The following FCGRT variants were observed in gnomAD, a reference collection of about 807,000 sequenced individuals.
The protein encoded by FCGRT is IgG receptor FcRn large subunit p51.
A neutral mutation model predicts 35.7 loss-of-function variants in FCGRT; 13 were observed. The ratio of observed to expected loss-of-function variants is 0.36; its 90% confidence interval spans 0.24 to 0.58. The LOEUF (loss-of-function observed/expected upper bound fraction) is 0.58, where lower values mean the gene tolerates loss of function less well. Among genes scored for constraint, FCGRT ranks in the 20% least tolerant of loss-of-function variants. FCGRT has a pLI of 0.77. For missense variants in FCGRT, 455 were observed against 474.9 expected (o/e 0.96, Z 0.39); for synonymous variants, 233 against 216.5 (o/e 1.08, Z -0.67).
chr19:49,514,262 C>T lies in FCGRT; in HGVS notation c.377C>T (p.Thr126Ile). 4 of 1,610,624 alleles carry T rather than the reference C, an allele frequency of 2.5e-6. No individual in the cohort carries two copies. The highest frequency in any genetic ancestry group is 1.7e-4 in the Middle Eastern group (1 of 6,054). ...GGCTGTGAACTGGGCCCTGACAACA[C>T]CTCGGTGCCCACCGCCAAGTTCGCC... is the stretch of plus-strand genomic sequence containing the variant. ...LLGCELGPDN[T>I]SVPTAKFALN... The change falls in exon 4 of 7, where the codon ACC becomes ATC. Residue 126 changes from threonine to isoleucine, a missense_variant. Physicochemically the swap from Thr to Ile is moderately conservative, Grantham distance 89. Around this residue, in one of 3 missense-constraint regions of FCGRT, gnomAD observed 136 missense variants for 158.9 expected, o/e 0.86. Transcript: ENST00000221466.
chr19:49,524,872 T>G (rs1478154414), intron 5 of FCGRT, 96 bp downstream of exon 5: 1 of 1,191,904 alleles, frequency 8.4e-7, no homozygotes, highest in Admixed American at 2.0e-5. Context: ...TCCCCACTGC[T>G]GCCACCTCCT....
intron 4 of FCGRT, among the ~76,000 whole-genome samples, chr19:49,522,126 AGTGGCT>A (rs2122690480): frequency 6.7e-6 from 1 of 149,518 alleles, no homozygotes; most frequent in Admixed American, 6.7e-5. Flanking sequence ...GCTGGAGTGC[AGTGGCT>A]ATACCCAGGT....
In FCGRT at chr19:49,514,395, G is replaced by A. The variant is rs369173603; in HGVS notation, c.510G>A (p.Ala170=). 1.7e-5 allele frequency: 27 copies of A among 1,607,944 alleles called. No homozygotes were observed. Among genetic ancestry groups the A allele is most frequent in the Admixed American group, 6.7e-5 (4 of 59,654 alleles). The change falls in exon 4 of 7, where the codon GCG becomes GCA. Residue 170 remains alanine, a synonymous_variant. Coordinates refer to ENST00000221466, the MANE Select transcript of FCGRT (RefSeq NM_001136019.3). ...ISQRWQQQDK[A]ANKELTFLLF... ...AGCGGTGGCAGCAGCAGGACAAGGC[G>A]GCCAACAAGGAGCTCACCTTCCTGC...
rs1421661072 is a variant in FCGRT at position 49,514,096 on chromosome 19, G to A, written c.288G>A (p.Lys96=). The part of the protein sequence containing the change: ...KETTDLRIKE[K]LFLEAFKALG... ...CCACAGATCTGAGGATCAAGGAGAA[G>A]CTCTTTCTGGAAGCTTTCAAAGCTT... Residue 96 remains lysine (K), a synonymous_variant, in exon 3 of 7, where the codon AAG becomes AAA. Transcript: ENST00000221466. The A allele has an allele frequency of 5.0e-6, 8 of 1,611,924 alleles. No homozygotes were observed. The highest frequency in any genetic ancestry group is 6.8e-6 in the Non-Finnish European group (8 of 1,179,970).
intron 4 of FCGRT, among the ~76,000 whole-genome samples, chr19:49,517,859 A>G (rs1471224297): frequency 6.6e-6 from 1 of 151,936 alleles, no homozygotes; most frequent in Non-Finnish European, 1.5e-5. Context: ...CGCCCAGCCA[A>G]TTTTTGTATT....
At chr19:49,522,770 C>CTTTTTTTT (rs746958247) in intron 4 of FCGRT, among the ~76,000 whole-genome samples, 9 of 66,664 alleles carry the variant, frequency 1.4e-4, no homozygotes, top group Admixed American at 1.9e-4. Flanking sequence ...CTTAAGCTCT[C>CTTTTTTTT]TTTTTTTTTT....
At chr19:49,518,598 A>G (rs1192810553) in intron 4 of FCGRT, among the ~76,000 whole-genome samples, 1 of 152,166 alleles carries the variant, frequency 6.6e-6, no homozygotes, top group African/African-American at 2.4e-5. Flanking sequence ...CAGAGGCACG[A>G]ACTCGGCTCA....
intron 4 of FCGRT, chr19:49,515,118 C>G (rs1482849752): frequency 6.6e-6 from 1 of 152,052 alleles, no homozygotes; most frequent in Non-Finnish European, 1.5e-5. Flanking sequence ...CCTCAGCCAA[C>G]CAAGTAGCTG....
At chr19:49,518,072 C>A (rs1396963717) in intron 4 of FCGRT, among the ~76,000 whole-genome samples, 1 of 152,136 alleles carries the variant, frequency 6.6e-6, no homozygotes, top group African/African-American at 2.4e-5. Flanking sequence ...GTGATCTGCC[C>A]TCCTCAGCCT....
rs111846329 is a variant in FCGRT, at chr19:49,525,474, T to C, written c.889T>C (p.Ser297Pro). 6.2e-7 allele frequency: 1 copy of C among 1,613,702 alleles called. No homozygotes were observed. The highest frequency in any genetic ancestry group is 8.5e-7 in the Non-Finnish European group (1 of 1,179,776). The change falls in exon 6 of 7, where the codon TCC becomes CCC. Residue 297 changes from serine (S) to proline (P), a missense_variant. Ser to Pro is a moderately conservative substitution (Grantham distance 74, BLOSUM62 -1). This residue lies in a region of FCGRT where 312 missense variants were observed against 296.1 expected (regional missense o/e 1.05). Transcript: ENST00000221466. ...RVELESPAKS[S>P]VLVVGIVIGV... is the part of the protein sequence containing the mutation. Reference sequence around the variant, plus strand: ...GGCTGCAGAATCTCCAGCCAAGTCCTCCGTGCTCGTGGTGGGAATCGTCAT... The same window carrying C: ...GGCTGCAGAATCTCCAGCCAAGTCCCCCGTGCTCGTGGTGGGAATCGTCAT...
At chr19:49,525,322 G>A (rs1319511736) in intron 5 of FCGRT, 135 bp from the exon 6 acceptor site, 3 of 744,476 alleles carry the variant, frequency 4.0e-6, no homozygotes, top group Non-Finnish European at 4.8e-6. Flanking sequence ...CGCCTGCCTG[G>A]CCTCGCCTCT....
chr19:49,524,051 C>T (rs1475152890), intron 4 of FCGRT, among the ~76,000 whole-genome samples: 2 of 149,864 alleles, frequency 1.3e-5, no homozygotes, highest in Non-Finnish European at 3.0e-5. Flanking sequence ...CGGGGTCTCA[C>T]TCTGTCGCCC....
chr19:49,526,214 G>A lies in FCGRT; in HGVS notation c.*95G>A, dbSNP rs1410886154. 1 of 827,684 alleles carries A rather than the reference G, an allele frequency of 1.2e-6. No individual in the cohort carries two copies. The highest frequency in any genetic ancestry group is 2.4e-5 in the East Asian group (1 of 40,984). 51.3% of individuals were successfully genotyped at this position (827,684 alleles called of 1,614,324 possible). The stretch of plus-strand genomic sequence containing the variant: ...CACTGGCATCTCTGAGCCTCCAGAA[G>A]GGGTTCTGGGCCTAGTTGTCCTCCC... On this transcript the variant is annotated 3_prime_UTR_variant, in exon 7 of 7. Coordinates refer to ENST00000221466, the MANE Select transcript of FCGRT (RefSeq NM_001136019.3).
intron 4 of FCGRT, among the ~76,000 whole-genome samples, chr19:49,523,429 G>A (rs1398216851): frequency 6.6e-6 from 1 of 152,038 alleles, no homozygotes; most frequent in African/African-American, 2.4e-5. Flanking sequence ...TACCCGGCAT[G>A]GTGGTGCATG....
chr19:49,525,049 C>CCTG (rs10525267), intron 5 of FCGRT: 127 of 594,576 alleles, frequency 2.1e-4, no homozygotes, highest in Middle Eastern at 1.3e-3. Flanking sequence ...CATCTTCCAT[C>CCTG]CTGCTGCTGC....
chr19:49,525,312 C>T (rs1268668680), intron 5 of FCGRT, 145 bp from the exon 6 acceptor site: 3 of 711,604 alleles, frequency 4.2e-6, no homozygotes, highest in Non-Finnish European at 5.1e-6. Flanking sequence ...CTGCCCAGAT[C>T]GCCTGCCTGG....
At chr19:49,523,841 CAG>C (rs1023630217) in intron 4 of FCGRT, among the ~76,000 whole-genome samples, 11 of 133,048 alleles carry the variant, frequency 8.3e-5, no homozygotes, top group African/African-American at 3.2e-4. Flanking sequence ...GCCTGGGAGA[CAG>C]AGCAAGATTC....
At position 49,514,281 on chromosome 19, in the gene FCGRT, G is replaced by A. The variant is rs150420714; in HGVS notation, c.396G>A (p.Lys132=). The change falls in exon 4 of 7, where the codon AAG becomes AAA. Residue 132 remains lysine, a synonymous_variant. Coordinates refer to ENST00000221466, the MANE Select transcript of FCGRT (RefSeq NM_001136019.3). Reference sequence around the variant, plus strand: ...ACAACACCTCGGTGCCCACCGCCAAGTTCGCCCTGAACGGCGAGGAGTTCA... The same window carrying A: ...ACAACACCTCGGTGCCCACCGCCAAATTCGCCCTGAACGGCGAGGAGTTCA... ...GPDNTSVPTA[K]FALNGEEFMN... The A allele has an allele frequency of 1.2e-6, 2 of 1,611,938 alleles. No individual in the cohort carries two copies. Among genetic ancestry groups the A allele is most frequent in the South Asian group, 2.2e-5 (2 of 90,664 alleles).
At chr19:49,516,057 G>C (rs1328238410) in intron 4 of FCGRT, 1 of 398,588 alleles carries the variant, frequency 2.5e-6, no homozygotes, top group African/African-American at 2.1e-5. Context: ...GCCAGGCGCT[G>C]CTCTGGGCCT....
Sources: gnomAD v4.1 joint callset for allele counts (sites outside exome capture counted in the v4.1 genomes callset) on GRCh38, gnomAD v4.1.1 for gene constraint, gnomAD v4.1.1 regional missense constraint, MANE v1.5 for transcripts, NCBI Gene and HGNC (gene_info 2026-07-23, HGNC 2026-07-21) for gene names.